BFSP2: variants seen among roughly 807,000 people sequenced by gnomAD.
BFSP2 encodes beaded filament structural protein 2.
Under a neutral mutation model 44.9 loss-of-function variants are expected in BFSP2, and 38 were observed. That is an observed-to-expected ratio of 0.85 (90% CI 0.65 to 1.11). The LOEUF is 1.11. Among genes scored for constraint, BFSP2 ranks in the 50% least tolerant of loss-of-function variants. BFSP2 has a pLI of 0.00. For synonymous variants in BFSP2, 197 were observed against 209.9 expected (o/e 0.94, Z 0.53); for missense variants, 525 against 533.0 (o/e 0.99, Z 0.15).
chr3:133,428,876 C>G (rs9853365), intron 1 of BFSP2, among the ~76,000 whole-genome samples: 80,732 of 152,046 alleles, frequency 0.53, 24,087 homozygotes, highest in East Asian at 0.75. Context: ...TGTCAGGGTC[C>G]CAAGATGTAT....
chr3:133,412,896 C>T (rs945623388), intron 1 of BFSP2, among the ~76,000 whole-genome samples: 1 of 152,210 alleles, frequency 6.6e-6, no homozygotes, highest in Non-Finnish European at 1.5e-5. Flanking sequence ...AGAGAAACAA[C>T]GCAGCAGAAT....
chr3:133,431,606 C>A (rs991157609), intron 1 of BFSP2, among the ~76,000 whole-genome samples: 2 of 152,152 alleles, frequency 1.3e-5, no homozygotes, highest in African/African-American at 4.8e-5. Flanking sequence ...TGATGCTGCC[C>A]GATCGCCTCA....
chr3:133,420,351 G>C (rs923225674), intron 1 of BFSP2, among the ~76,000 whole-genome samples: 5 of 152,188 alleles, frequency 3.3e-5, no homozygotes, highest in Admixed American at 2.0e-4. Flanking sequence ...GAGGTAGAAG[G>C]AATGAAGCAG....
chr3:133,421,396 C>T (rs910695300), intron 1 of BFSP2, among the ~76,000 whole-genome samples: 1 of 152,220 alleles, frequency 6.6e-6, no homozygotes, highest in Non-Finnish European at 1.5e-5. Context: ...TCCCAGGCTG[C>T]TCTCCCAGCT....
intron 1 of BFSP2, among the ~76,000 whole-genome samples, chr3:133,411,827 A>G (rs2073456925): frequency 6.6e-6 from 1 of 152,208 alleles, no homozygotes; most frequent in South Asian, 2.1e-4. Flanking sequence ...TTTTTTAACA[A>G]ATAAAAATTG....
chr3:133,402,799 C>G (rs1288422293), intron 1 of BFSP2, among the ~76,000 whole-genome samples: 1 of 151,976 alleles, frequency 6.6e-6, no homozygotes, highest in Admixed American at 6.6e-5. Flanking sequence ...CGCCACCACG[C>G]CCAGCTAATT....
chr3:133,423,244 T>C (rs908644430), intron 1 of BFSP2, among the ~76,000 whole-genome samples: 5 of 152,138 alleles, frequency 3.3e-5, no homozygotes, highest in Non-Finnish European at 5.9e-5. Flanking sequence ...AGCCGTAAAG[T>C]GCAAAAGAAC....
chr3:133,442,306 A>G (rs2073853240), intron 1 of BFSP2, among the ~76,000 whole-genome samples: 1 of 151,950 alleles, frequency 6.6e-6, no homozygotes, highest in Non-Finnish European at 1.5e-5. Context: ...ACCTGGATAA[A>G]TTCTGTTTTT....
At chr3:133,444,714 G>A (rs923782600) in intron 1 of BFSP2, among the ~76,000 whole-genome samples, 3 of 151,996 alleles carry the variant, frequency 2.0e-5, no homozygotes, top group African/African-American at 7.2e-5. Flanking sequence ...AGAACCGACT[G>A]TTCTATCCCC....
intron 1 of BFSP2, among the ~76,000 whole-genome samples, chr3:133,408,582 T>C (rs1559956848): frequency 6.6e-6 from 1 of 152,230 alleles, no homozygotes; most frequent in African/African-American, 2.4e-5. Flanking sequence ...TTCACTGCAA[T>C]CCTATCTGTA....
Position 133,400,767 on chromosome 3 carries a change from C to T in BFSP2, c.489+195C>T, listed in dbSNP as rs2073356782. 1.3e-5 allele frequency among the ~76,000 whole-genome samples: 2 copies of T among 152,230 alleles called. No homozygotes were observed. Among genetic ancestry groups the T allele is most frequent in the South Asian group, 4.1e-4 (2 of 4,830 alleles). The stretch of plus-strand genomic sequence containing the variant: ...CTAGGAGCCCACGCTAGCCCCCATA[C>T]GTGCACTACCCACTGTCTTCTTTAA... On this transcript the variant is annotated intron_variant, in intron 1 of 6. Transcript: ENST00000302334. This position sits in a 1 kb window ranked among gnomAD's most constrained non-coding sequence, Gnocchi z 4.0.
rs2073900049 is a variant in BFSP2 at position 133,446,573 on chromosome 3, TATATATATATATATATATATATATATA to T, written c.490-743_490-717del. Reference sequence around the variant, plus strand: ...ATCAGAGCCTTCAGCTCACCATTTATATATATATATATATATATATATATATATATATATATATATATATATATATAT... The same window carrying T: ...ATCAGAGCCTTCAGCTCACCATTTATTATATATATATATATATATATATAT... On this transcript the variant is annotated intron_variant, in intron 1 of 6. Transcript: ENST00000302334. Among the ~76,000 whole-genome samples the T allele has an allele frequency of 8.4e-3, 240 of 28,532 alleles. 28 individuals carry two copies. The highest frequency in any genetic ancestry group is 0.03 in the South Asian group (22 of 742). The allele number at this position is 28,532 out of a possible 152,430, so 18.7% of individuals were successfully genotyped here.
At chr3:133,417,759 T>C (rs2073555052) in intron 1 of BFSP2, among the ~76,000 whole-genome samples, 4 of 99,222 alleles carry the variant, frequency 4.0e-5, no homozygotes, top group Non-Finnish European at 4.1e-5. Context: ...TCTACTCACC[T>C]CTGTCACCTC....
At chr3:133,462,286 ATGAG>A (rs924331600) in intron 4 of BFSP2, among the ~76,000 whole-genome samples, 44 of 152,272 alleles carry the variant, frequency 2.9e-4, no homozygotes, top group African/African-American at 8.7e-4. Flanking sequence ...AATAGCATGA[ATGAG>A]TATTAAGAGA....
intron 1 of BFSP2, among the ~76,000 whole-genome samples, chr3:133,404,406 C>G (rs755302874): frequency 3.9e-5 from 6 of 152,034 alleles, no homozygotes; most frequent in Non-Finnish European, 7.4e-5. Flanking sequence ...GAGGACAAGC[C>G]TCTTGCTCAC....
In BFSP2 at chr3:133,420,602, G is replaced by A. The variant is rs540273698; in HGVS notation, c.489+20030G>A. Among the ~76,000 whole-genome samples, 8 of 152,282 alleles carry A rather than the reference G, an allele frequency of 5.3e-5. No individual in the cohort carries two copies. The East Asian group carries it at 1.3e-3, about 26-fold the overall frequency. ...TCTGGTCTAGCTGTCAGCTGCCAAC[G>A]GTCAGGGCCATGGTTTTCCTTCCTT... On this transcript the variant is annotated intron_variant, in intron 1 of 6. Coordinates refer to ENST00000302334, the MANE Select transcript of BFSP2 (RefSeq NM_003571.4).
chr3:133,467,034 A>T, intron 5 of BFSP2, 75 bp downstream of exon 5: 1 of 1,584,632 alleles, frequency 6.3e-7, no homozygotes, highest in Non-Finnish European at 8.6e-7. Flanking sequence ...AGTATTATGG[A>T]TCTTAGTTTC....
intron 5 of BFSP2, among the ~76,000 whole-genome samples, chr3:133,468,172 C>G (rs146378795): frequency 3.0e-4 from 46 of 151,568 alleles, no homozygotes; most frequent in African/African-American, 9.8e-4. Flanking sequence ...GATATGGTCC[C>G]TGCCTCCAAA....
At chr3:133,453,709 G>T (rs554499596) in intron 4 of BFSP2, among the ~76,000 whole-genome samples, 2 of 152,160 alleles carry the variant, frequency 1.3e-5, no homozygotes, top group Non-Finnish European at 2.9e-5. Flanking sequence ...GAAACTCTCA[G>T]GCAAAAAGAT....
Sources: gnomAD v4.1 joint callset for allele counts (sites outside exome capture counted in the v4.1 genomes callset) on GRCh38, gnomAD v4.1.1 for gene constraint, Gnocchi (gnomAD v3.1) non-coding constraint, MANE v1.5 for transcripts, NCBI Gene and HGNC (gene_info 2026-07-23, HGNC 2026-07-21) for gene names.